Variants in SLC30A10 observed in about 807,000 individuals in gnomAD.
SLC30A10 encodes calcium/manganese antiporter SLC30A10.
A neutral mutation model predicts 21.7 loss-of-function variants in SLC30A10; 8 were observed. The observed-to-expected ratio is 0.37, with a 90% CI of 0.22 to 0.67. The LOEUF (loss-of-function observed/expected upper bound fraction) is 0.67, where lower values mean the gene tolerates loss of function less well. SLC30A10 is among the 30% of genes least tolerant of loss of function. The pLI is 0.58. For synonymous variants in SLC30A10, 272 were observed against 279.4 expected (o/e 0.97, Z 0.26); for missense variants, 521 against 642.5 (o/e 0.81, Z 2.04).
At chr1:219,942,517 C>A (rs1006947998) in intron 1 of SLC30A10, among the ~76,000 whole-genome samples, 1 of 152,198 alleles carries the variant, frequency 6.6e-6, no homozygotes, top group Non-Finnish European at 1.5e-5. Flanking sequence ...AAAACTACCT[C>A]CCATGGGAAG....
chr1:219,947,532 CA>C (rs1006268189), intron 1 of SLC30A10, among the ~76,000 whole-genome samples: 7 of 150,958 alleles, frequency 4.6e-5, no homozygotes, highest in Admixed American at 1.3e-4. Context: ...GATCCTGTCT[CA>C]AAAAAAAATT....
chr1:219,926,919 G>A, intron 2 of SLC30A10, 109 bp downstream of exon 2: 1 of 796,900 alleles, frequency 1.3e-6, no homozygotes, highest in Non-Finnish European at 2.1e-6. Context: ...CATGTAACTG[G>A]CCTACTTTCA....
rs199783843 is a variant in SLC30A10 at position 219,927,070 on chromosome 1, T to C, written c.676A>G (p.Met226Val). The C allele has an allele frequency of 3.7e-5, 60 of 1,614,150 alleles. No individual in the cohort carries two copies. The East Asian group carries it at 1.2e-3, about 34-fold the overall frequency. Reference sequence around the variant, plus strand: ...TCAGACTTTTTCTCTTTTTTCATCATGTCTTCTGGCTCATTCTGGGTGTTG... The same window carrying C: ...TCAGACTTTTTCTCTTTTTTCATCACGTCTTCTGGCTCATTCTGGGTGTTG... ...SFNTQNEPED[M>V]MKKEKKSEAL... Residue 226 changes from methionine to valine, a missense_variant, in exon 2 of 4, where the codon ATG becomes GTG. Physicochemically the swap from Met to Val is conservative, Grantham distance 21 (BLOSUM62 1). Transcript: ENST00000366926.
chr1:219,931,269 C>G (rs1318012298), upstream of SLC30A10, among the ~76,000 whole-genome samples: 1 of 152,172 alleles, frequency 6.6e-6, no homozygotes, highest in Non-Finnish European at 1.5e-5. Context: ...CCCAGGAGTG[C>G]AGTGGATGGA....
rs12029893 is a variant in SLC30A10, at chr1:219,937,739, G to A, written n.81-10634C>T. On this transcript the variant is annotated intron_variant and non_coding_transcript_variant, in intron 1 of 8. Coordinates refer to the SLC30A10 transcript ENST00000484239. ...TGAGCACAAGAATCGCTTGAACCTG[G>A]AGGCGGAGGTTGCAGCGAACTGAGC... 2.6e-5 allele frequency among the ~76,000 whole-genome samples: 4 copies of A among 152,206 alleles called. No homozygotes were observed. The East Asian group carries it at 7.7e-4, about 29-fold the overall frequency.
intron 2 of SLC30A10, among the ~76,000 whole-genome samples, chr1:219,925,651 A>ATATATATATTTTTTTTTTT (rs1317554458): frequency 8.3e-5 from 4 of 48,278 alleles, no homozygotes; most frequent in African/African-American, 4.7e-4. Context: ...ATATATATAT[A>ATATATATATTTTTTTTTTT]TTTTTTTTTT....
chr1:219,927,678 CAA>C (rs111682715), intron 1 of SLC30A10, 121 bp downstream of exon 1: 59 of 319,370 alleles, frequency 1.8e-4, no homozygotes, highest in African/African-American at 6.7e-4. Context: ...ACAACAACAA[CAA>C]AAAAAAAAAA....
chr1:219,928,980 C>T (rs1659922260), upstream of SLC30A10, among the ~76,000 whole-genome samples: 1 of 152,226 alleles, frequency 6.6e-6, no homozygotes, highest in African/African-American at 2.4e-5. The surrounding 1 kb of genome is among the most constrained non-coding windows in gnomAD (Gnocchi z 6.3). Flanking sequence ...CCATAGGCAC[C>T]TTGCGGTGCA....
At position 219,927,988 on chromosome 1, in the gene SLC30A10, G is replaced by A; in HGVS notation, c.453C>T (p.Arg151=). 2 of 1,552,818 alleles carry A rather than the reference G, an allele frequency of 1.3e-6. No individual in the cohort carries two copies. Among genetic ancestry groups the A allele is most frequent in the Non-Finnish European group, 1.7e-6 (2 of 1,149,274 alleles). ...FACCLRGRSR[R]LQQRQQLAEG... ...CCGCCAGCTGCTGCCGCTGCTGCAG[G>A]CGGCGACTGCGTCCCCGGAGGCAGC... Residue 151 remains arginine, a synonymous_variant, in exon 1 of 4, where the codon CGC becomes CGT. Transcript: ENST00000366926.
chr1:219,924,752 A>G (rs1411313425), intron 2 of SLC30A10, among the ~76,000 whole-genome samples: 1 of 152,242 alleles, frequency 6.6e-6, no homozygotes, highest in Non-Finnish European at 1.5e-5. Flanking sequence ...GACAAAGTAC[A>G]TACTCAATAA....
At position 219,928,338 on chromosome 1, in the gene SLC30A10, T is replaced by A; in HGVS notation, c.103A>T (p.Ile35Phe). The A allele has an allele frequency of 6.2e-7, 1 of 1,613,060 alleles. No individual in the cohort carries two copies. Among genetic ancestry groups the A allele is most frequent in the Non-Finnish European group, 8.5e-7 (1 of 1,179,700 alleles). ...TTGAAGGAGTCGGAGAGCAGCGCGATGGAGTTGCCCAGGTAGCCGGAGACC... is the reference window on the plus strand; with the variant it reads ...TTGAAGGAGTCGGAGAGCAGCGCGAAGGAGTTGCCCAGGTAGCCGGAGACC... ...ELVSGYLGNS[I>F]ALLSDSFNML... The change falls in exon 1 of 4, where the codon ATC becomes TTC. Residue 35 changes from isoleucine (I) to phenylalanine (F), a missense_variant. Transcript: ENST00000366926. The surrounding 1 kb of genome is among the most constrained non-coding windows in gnomAD (Gnocchi z 6.3).
chr1:219,928,423 G>T lies in SLC30A10; in HGVS notation c.18C>A (p.Gly6=), dbSNP rs377586814. MGRYS[G]KTCRLLFMLV... ...GCATGAAGAGCAGCCGGCACGTCTT[G>T]CCAGAGTAGCGGCCCATCTCGCCAC... Residue 6 remains glycine, a synonymous_variant, in exon 1 of 4, where the codon GGC becomes GGA. Transcript: ENST00000366926. The surrounding 1 kb of genome is among the most constrained non-coding windows in gnomAD (Gnocchi z 6.3). The T allele has an allele frequency of 8.1e-5, 130 of 1,611,320 alleles. No homozygotes were observed. Among genetic ancestry groups the T allele is most frequent in the Non-Finnish European group, 1.1e-4 (128 of 1,179,138 alleles).
Position 219,939,520 on chromosome 1 carries a change from C to G in SLC30A10, n.81-12415G>C, listed in dbSNP as rs374077893. Among the ~76,000 whole-genome samples the G allele has an allele frequency of 3.9e-4, 59 of 152,256 alleles. 1 individual carries two copies. The highest frequency in any genetic ancestry group is 1.3e-3 in the African/African-American group (52 of 41,550). ...CTTGGATCGCTGCAACCTCCACCCC[C>G]CCAGGTTCAAGTGATTCTCCTGCCT... On this transcript the variant is annotated intron_variant and non_coding_transcript_variant, in intron 1 of 8. Coordinates refer to the SLC30A10 transcript ENST00000484239.
rs1397778541 is a variant in SLC30A10, at chr1:219,911,268, T to C, written c.*4181A>G. 6.7e-6 allele frequency among the ~76,000 whole-genome samples: 1 copy of C among 150,334 alleles called. No individual in the cohort carries two copies. The highest frequency in any genetic ancestry group is 2.1e-4 in the South Asian group (1 of 4,780). On this transcript the variant is annotated 3_prime_UTR_variant, in exon 4 of 4. Transcript: ENST00000366926. ...TTTGCTCTCTTGAAGAAAATAGATATGATTTGGCAAAGGATAAAATTAGCC... is the reference window on the plus strand; with the variant it reads ...TTTGCTCTCTTGAAGAAAATAGATACGATTTGGCAAAGGATAAAATTAGCC...
chr1:219,949,279 A>G (rs1406130497), intron 1 of SLC30A10, among the ~76,000 whole-genome samples: 5 of 151,756 alleles, frequency 3.3e-5, no homozygotes, highest in Non-Finnish European at 7.4e-5. Context: ...AGGACTATAA[A>G]TCATGCTGCT....
At chr1:219,953,242 C>T (rs1214682758) in intron 1 of SLC30A10, among the ~76,000 whole-genome samples, 1 of 152,132 alleles carries the variant, frequency 6.6e-6, no homozygotes, top group Non-Finnish European at 1.5e-5. Flanking sequence ...ATTCTGCCTC[C>T]GATCTAGAAA....
chr1:219,931,100 C>G (rs1329144132), upstream of SLC30A10, among the ~76,000 whole-genome samples: 1 of 152,194 alleles, frequency 6.6e-6, no homozygotes, highest in Admixed American at 6.5e-5. Flanking sequence ...TGAGGGAAGC[C>G]TGGTGGAACT....
At chr1:219,940,216 C>T (rs919387384) in intron 1 of SLC30A10, among the ~76,000 whole-genome samples, 2 of 152,180 alleles carry the variant, frequency 1.3e-5, no homozygotes, top group African/African-American at 4.8e-5. Context: ...GTCCTGAGAC[C>T]ACCCTAGTGC....
chr1:219,936,220 A>C (rs1467070132), intron 1 of SLC30A10, among the ~76,000 whole-genome samples: 1 of 152,264 alleles, frequency 6.6e-6, no homozygotes, highest in Non-Finnish European at 1.5e-5. Context: ...TAAAATGCAA[A>C]GAATAGCCTC....
Sources: gnomAD v4.1 joint callset for allele counts (sites outside exome capture counted in the v4.1 genomes callset) on GRCh38, gnomAD v4.1.1 for gene constraint, Gnocchi (gnomAD v3.1) non-coding constraint, MANE v1.5 for transcripts, NCBI Gene and HGNC (gene_info 2026-07-23, HGNC 2026-07-21) for gene names.